LARP4B: variants seen among roughly 807,000 people sequenced by gnomAD.
The protein encoded by LARP4B is La ribonucleoprotein 4B.
Under a neutral mutation model 89.8 loss-of-function variants are expected in LARP4B, and 12 were observed. The ratio of observed to expected loss-of-function variants is 0.13; its 90% CI spans 0.09 to 0.22. LARP4B has a LOEUF of 0.22. LARP4B is among the 10% of genes least tolerant of loss of function. The pLI is 1.00. For missense variants in LARP4B, 757 were observed against 947.7 expected (o/e 0.80, Z 2.64); for synonymous variants, 367 against 363.3 (o/e 1.01, Z -0.12).
chr10:910,926 C>T (rs1170835239), intron 1 of LARP4B, among the ~76,000 whole-genome samples: 1 of 152,166 alleles, frequency 6.6e-6, no homozygotes, highest in African/African-American at 2.4e-5. Flanking sequence ...ACTCCCGTCC[C>T]CTGGCAGTTA....
chr10:948,031 G>A, the LARP4B span, among the ~76,000 whole-genome samples: 1 of 151,914 alleles, frequency 6.6e-6, no homozygotes, highest in African/African-American at 2.4e-5. Context: ...AGGGCAGCAC[G>A]GGAGACCCCC....
chr10:912,548 C>G (rs1836695961), intron 1 of LARP4B, among the ~76,000 whole-genome samples: 1 of 151,730 alleles, frequency 6.6e-6, no homozygotes, highest in African/African-American at 2.4e-5. Flanking sequence ...GTTGGAAGAC[C>G]ACCTATCTAA....
intron 5 of LARP4B, among the ~76,000 whole-genome samples, chr10:846,633 C>T: frequency 6.6e-6 from 1 of 152,268 alleles, no homozygotes; most frequent in Non-Finnish European, 1.5e-5. Context: ...GTTAAAGTAA[C>T]CTAAACGTAA....
intron 1 of LARP4B, chr10:903,386 ATTTACT>A (rs772344705): frequency 6.6e-6 from 1 of 152,174 alleles, no homozygotes; most frequent in Non-Finnish European, 1.5e-5. Context: ...ATCTTTTATA[ATTTACT>A]TTTACCTTAA....
chr10:830,864 T>G lies in LARP4B; in HGVS notation c.861+3A>C. 8.2e-7 allele frequency: 1 copy of G among 1,225,652 alleles called. No individual in the cohort carries two copies. The highest frequency in any genetic ancestry group is 1.2e-6 in the Non-Finnish European group (1 of 831,440). 75.9% of individuals were successfully genotyped at this position (1,225,652 alleles called of 1,614,324 possible). Reference sequence around the variant, plus strand: ...TCATAGGGTGATGGTGGAAAGAACTTACCTGTTGTGCATCAGCTTCTGTTT... The same window carrying G: ...TCATAGGGTGATGGTGGAAAGAACTGACCTGTTGTGCATCAGCTTCTGTTT... On this transcript the variant is annotated splice_donor_region_variant and intron_variant, in intron 9 of 17. Coordinates refer to ENST00000316157, the MANE Select transcript of LARP4B (RefSeq NM_015155.3).
At chr10:937,922 T>C in the LARP4B span, among the ~76,000 whole-genome samples, 3 of 152,138 alleles carry the variant, frequency 2.0e-5, no homozygotes, top group South Asian at 6.2e-4. Context: ...TCTTGCTCTG[T>C]CTCCCAGGCT....
chr10:845,097 AT>A, intron 5 of LARP4B, 42 bp from the exon 6 acceptor site: 1 of 1,471,032 alleles, frequency 6.8e-7, no homozygotes, highest in Non-Finnish European at 9.4e-7. Context: ...CCGGCTTAAA[AT>A]TTAGGAAGCA....
chr10:829,416 G>T lies in LARP4B; in HGVS notation c.1094C>A (p.Ser365Ter). 1 of 1,610,948 alleles carries T rather than the reference G, an allele frequency of 6.2e-7. No individual in the cohort carries two copies. The highest frequency in any genetic ancestry group is 1.1e-5 in the South Asian group (1 of 90,598). The change falls in exon 11 of 18, where the codon TCA becomes TAA. Residue 365 changes from serine to a stop codon, truncating the protein, a stop_gained. Coordinates refer to ENST00000316157, the MANE Select transcript of LARP4B (RefSeq NM_015155.3). LOFTEE classifies it high-confidence loss of function. ...TGGGTCAAGATAGCTGTGCGTTGCT[G>T]ACCACGTCTGGGGAGTGATCAGGCT... ...LYSLITPQTWSATHSYLDPPL... is the reference protein window; with the variant it reads ...LYSLITPQTW
chr10:988,278 G>T, the LARP4B span: 2 of 569,606 alleles, frequency 3.5e-6, no homozygotes, highest in South Asian at 4.2e-5. Flanking sequence ...CGCTCCTGAG[G>T]CCCTCACACG....
At chr10:825,022 A>G (rs974860961) in intron 13 of LARP4B, 43 bp downstream of exon 13, 2 of 1,522,692 alleles carry the variant, frequency 1.3e-6, no homozygotes, top group Admixed American at 2.1e-5. Context: ...AATTTTTAAA[A>G]TATTAGTTTA....
Position 810,467 on chromosome 10 carries a change from G to C in LARP4B, c.*2459C>G, listed in dbSNP as rs1012466817. 1 of 152,244 alleles carries C rather than the reference G, an allele frequency of 6.6e-6. No homozygotes were observed. The highest frequency in any genetic ancestry group is 1.5e-5 in the Non-Finnish European group (1 of 68,052). The allele number at this position is 152,244 out of a possible 1,614,324, so 9.4% of individuals were successfully genotyped here. A position where few individuals can be genotyped will look rare whatever the true frequency, so the allele number is the denominator to read the frequency against. ...GACCGGAGGGCAGCAGAGCCCTCCA[G>C]TGGCGACTGGCTAATGCACGCGCTG... On this transcript the variant is annotated 3_prime_UTR_variant, in exon 18 of 18. Transcript: ENST00000316157.
At chr10:984,444 G>A in the LARP4B span, among the ~76,000 whole-genome samples, 1 of 152,156 alleles carries the variant, frequency 6.6e-6, no homozygotes, top group Non-Finnish European at 1.5e-5. Context: ...ACAGCAGAAT[G>A]CAAAGAATGT....
At chr10:887,236 G>A (rs185869923) in intron 1 of LARP4B, among the ~76,000 whole-genome samples, 26 of 152,250 alleles carry the variant, frequency 1.7e-4, no homozygotes, top group Admixed American at 3.3e-4. Flanking sequence ...GAGGCCTATA[G>A]TTGTAATATT....
At chr10:855,460 C>T (rs889369319) in intron 5 of LARP4B, among the ~76,000 whole-genome samples, 1 of 152,000 alleles carries the variant, frequency 6.6e-6, no homozygotes, top group Non-Finnish European at 1.5e-5. Flanking sequence ...TGTCATGTCT[C>T]AGGGAATAGG....
intron 1 of LARP4B, among the ~76,000 whole-genome samples, chr10:888,346 A>C (rs1373819369): frequency 6.6e-6 from 1 of 151,644 alleles, no homozygotes; most frequent in African/African-American, 2.4e-5. Context: ...ACAAAAAAAA[A>C]AAAACACACA....
At chr10:809,463 A>T (rs113629601), downstream of LARP4B, 1 of 152,336 alleles carries the variant, frequency 6.6e-6, no homozygotes, top group East Asian at 1.9e-4. Flanking sequence ...TCATGCACTT[A>T]TGGGAACAGA....
chr10:881,532 T>C (rs1462956430), intron 3 of LARP4B, among the ~76,000 whole-genome samples: 1 of 152,212 alleles, frequency 6.6e-6, no homozygotes, highest in Non-Finnish European at 1.5e-5. Flanking sequence ...CTCCGCGTCC[T>C]AGATTCCTTC....
chr10:819,919 C>T (rs1832257060), intron 14 of LARP4B: 1 of 152,246 alleles, frequency 6.6e-6, no homozygotes, highest in African/African-American at 2.4e-5. Context: ...TATGGAATTC[C>T]ACATCTGCAA....
At chr10:955,393 G>A in the LARP4B span, among the ~76,000 whole-genome samples, 10 of 152,216 alleles carry the variant, frequency 6.6e-5, no homozygotes, top group Admixed American at 1.3e-4. This position sits in a 1 kb window ranked among gnomAD's most constrained non-coding sequence, Gnocchi z 5.2. Flanking sequence ...CTGCCAGGTC[G>A]TTCTTCCTTG....
Sources: allele counts gnomAD v4.1 joint callset (sites outside exome capture counted in the v4.1 genomes callset), GRCh38; gene constraint gnomAD v4.1.1; non-coding constraint Gnocchi (gnomAD v3.1); transcripts MANE v1.5; gene names NCBI Gene and HGNC (gene_info 2026-07-23, HGNC 2026-07-21).